TSGA10: variants seen among roughly 807,000 people sequenced by gnomAD.
TSGA10 encodes testis-specific gene 10 protein.
A neutral mutation model predicts 96.6 loss-of-function variants in TSGA10; 43 were observed. That is an observed-to-expected ratio of 0.44 (90% CI 0.35 to 0.57). TSGA10 has a LOEUF of 0.57. Ranked by LOEUF, TSGA10 falls within the 20% of genes least tolerant of loss-of-function variation. The pLI, the probability that TSGA10 is intolerant of heterozygous loss-of-function variation, is 0.01. For synonymous variants in TSGA10, 229 were observed against 269.9 expected (o/e 0.85, Z 1.48); for missense variants, 703 against 834.4 (o/e 0.84, Z 1.94).
In TSGA10 at chr2:99,068,870, G is replaced by GAA; in HGVS notation, c.1218+16_1218+17dup. The GAA allele has an allele frequency of 2.7e-5, 32 of 1,195,162 alleles. No homozygotes were observed. Among genetic ancestry groups the GAA allele is most frequent in the South Asian group, 1.3e-4 (6 of 45,756 alleles). The allele number at this position is 1,195,162 out of a possible 1,614,324, so 74.0% of individuals were successfully genotyped here. On this transcript the variant is annotated intron_variant, in intron 15 of 20. Transcript: ENST00000393483. The stretch of plus-strand genomic sequence containing the variant: ...GAAAACTAAGTATCATGAGCAAAAA[G>GAA]AAAAAAAAAATACATACTTCAGACT...
At chr2:99,103,571 C>T (rs1234003345) in intron 10 of TSGA10, among the ~76,000 whole-genome samples, 1 of 152,168 alleles carries the variant, frequency 6.6e-6, no homozygotes, top group Non-Finnish European at 1.5e-5. Flanking sequence ...TTCTAAATCA[C>T]CCTTTTTCTA....
chr2:99,022,324 CAAAAAAAAA>C (rs56381088), intron 17 of TSGA10, among the ~76,000 whole-genome samples: 1 of 43,910 alleles, frequency 2.3e-5, no homozygotes, highest in Non-Finnish European at 4.6e-5. Flanking sequence ...GACCCTGTCT[CAAAAAAAAA>C]AAAAAAAAAA....
chr2:99,078,617 T>C (rs1309584018), intron 12 of TSGA10, 42 bp downstream of exon 12: 4 of 1,548,776 alleles, frequency 2.6e-6, no homozygotes, highest in Non-Finnish European at 3.5e-6. Flanking sequence ...ATTTAACATT[T>C]CATTTAAACG....
intron 20 of TSGA10, among the ~76,000 whole-genome samples, chr2:99,012,332 C>G (rs1375269827): frequency 6.6e-6 from 1 of 152,108 alleles, no homozygotes. Flanking sequence ...TACCTAACAT[C>G]TTAATACTAA....
At chr2:99,102,154 A>G in intron 10 of TSGA10, 1 of 1,497,878 alleles carries the variant, frequency 6.7e-7, no homozygotes, top group Non-Finnish European at 9.3e-7. Flanking sequence ...GAGCTGATGA[A>G]TATACTTGAA....
chr2:99,152,447 A>T (rs1312208196), intron 1 of TSGA10, among the ~76,000 whole-genome samples: 1 of 152,128 alleles, frequency 6.6e-6, no homozygotes, highest in Non-Finnish European at 1.5e-5. Context: ...CACCATACCC[A>T]GCATGTTTTT....
chr2:99,057,421 G>T (rs560977768), intron 16 of TSGA10, among the ~76,000 whole-genome samples: 2 of 151,946 alleles, frequency 1.3e-5, no homozygotes, highest in Admixed American at 1.3e-4. Context: ...ATACAAGATC[G>T]ATATACAAAA....
At chr2:99,059,376 T>G (rs1248947784) in intron 16 of TSGA10, among the ~76,000 whole-genome samples, 1 of 151,984 alleles carries the variant, frequency 6.6e-6, no homozygotes, top group Non-Finnish European at 1.5e-5. Context: ...GGCTCATGCC[T>G]GTAATCCCAG....
At chr2:99,150,479 T>G (rs757620925) in intron 1 of TSGA10, 4 of 1,463,164 alleles carry the variant, frequency 2.7e-6, no homozygotes, top group Middle Eastern at 1.8e-4. Flanking sequence ...TTTTTTTTTT[T>G]CAGTAATCAA....
chr2:99,045,059 A>G (rs1036718806), intron 16 of TSGA10, among the ~76,000 whole-genome samples: 5 of 152,332 alleles, frequency 3.3e-5, no homozygotes, highest in East Asian at 3.9e-4. Flanking sequence ...ATAGCACTAA[A>G]TGCCCACAAA....
chr2:99,056,251 G>A (rs956625223), intron 16 of TSGA10, among the ~76,000 whole-genome samples: 4 of 151,774 alleles, frequency 2.6e-5, no homozygotes, highest in Non-Finnish European at 5.9e-5. Context: ...AAGTAACCAA[G>A]TTAGTTTCTG....
rs1227931459 is a variant in TSGA10, at chr2:99,136,641, C to CA, written c.-620-9466dup. On this transcript the variant is annotated intron_variant, in intron 1 of 20. Coordinates refer to ENST00000393483, the MANE Select transcript of TSGA10 (RefSeq NM_025244.4). ...TGAAACCCCGTCTCTACTAAAAATA[C>CA]AAAAAAAATTAGCCGGGCGTAGTGG... Among the ~76,000 whole-genome samples the CA allele has an allele frequency of 5.7e-5, 4 of 70,134 alleles. 2 individuals carry two copies. The highest frequency in any genetic ancestry group is 1.1e-3 in the South Asian group (2 of 1,778). The allele number at this position is 70,134 out of a possible 152,430, so 46.0% of individuals were successfully genotyped here. A position where few individuals can be genotyped will look rare whatever the true frequency, so the allele number is the denominator to read the frequency against.
At chr2:99,101,244 C>CAAAAAAAAAAAAA (rs869263270) in intron 10 of TSGA10, among the ~76,000 whole-genome samples, 2 of 24,364 alleles carry the variant, frequency 8.2e-5, no homozygotes, top group African/African-American at 2.1e-4. Flanking sequence ...GACTCTGTCT[C>CAAAAAAAAAAAAA]AAAAAAAAAA....
intron 10 of TSGA10, among the ~76,000 whole-genome samples, chr2:99,092,944 T>C (rs2089525738): frequency 6.6e-6 from 1 of 151,846 alleles, no homozygotes; most frequent in Non-Finnish European, 1.5e-5. Flanking sequence ...GGAAAGGACA[T>C]AACAAAACAT....
intron 10 of TSGA10, among the ~76,000 whole-genome samples, chr2:99,101,138 A>G (rs950643812): frequency 1.4e-5 from 2 of 145,644 alleles, no homozygotes; most frequent in African/African-American, 5.0e-5. Flanking sequence ...GGTGGCGGGC[A>G]CCTGCTAAGG....
chr2:99,036,850 G>C (rs1338009231), intron 16 of TSGA10, among the ~76,000 whole-genome samples: 1 of 152,044 alleles, frequency 6.6e-6, no homozygotes, highest in Non-Finnish European at 1.5e-5. Flanking sequence ...AAATTTCAGA[G>C]AAAGGAAAAT....
intron 18 of TSGA10, among the ~76,000 whole-genome samples, chr2:99,019,063 T>C (rs2079783466): frequency 6.6e-6 from 1 of 152,160 alleles, no homozygotes; most frequent in Admixed American, 6.5e-5. Flanking sequence ...TTCAACCAAG[T>C]GCCTTATAAT....
chr2:99,066,617 T>C (rs558175998), intron 15 of TSGA10, among the ~76,000 whole-genome samples: 47 of 152,246 alleles, frequency 3.1e-4, no homozygotes, highest in Middle Eastern at 6.8e-3. Context: ...TTCCGTAGAA[T>C]GTCTCTCCTG....
chr2:99,047,117 G>A (rs1336916334), intron 16 of TSGA10, among the ~76,000 whole-genome samples: 1 of 152,160 alleles, frequency 6.6e-6, no homozygotes, highest in African/African-American at 2.4e-5. Flanking sequence ...GGACCAGACG[G>A]ATTCATAGCT....
Sources: allele counts gnomAD v4.1 joint callset (sites outside exome capture counted in the v4.1 genomes callset), GRCh38; gene constraint gnomAD v4.1.1; transcripts MANE v1.5; gene names NCBI Gene and HGNC (gene_info 2026-07-23, HGNC 2026-07-21).